The following DNALI1 variants were observed in gnomAD, a reference collection of about 807,000 sequenced individuals.
The protein encoded by DNALI1 is axonemal dynein light intermediate polypeptide 1.
DNALI1 carries 31 observed loss-of-function variants against 33.9 expected under a neutral mutation model. The observed-to-expected ratio is 0.91, with a 90% CI of 0.69 to 1.23. The LOEUF (loss-of-function observed/expected upper bound fraction) is 1.23. Ranked by LOEUF, DNALI1 falls within the 50% of genes most tolerant of loss-of-function variation. DNALI1 has a pLI of 0.00. For synonymous variants in DNALI1, 117 were observed against 129.2 expected, an observed-to-expected ratio of 0.91 and a Z score of 0.64; for missense variants, 305 against 323.8, an observed-to-expected ratio of 0.94 and a Z score of 0.44.
At position 37,562,977 on chromosome 1, in the gene DNALI1, A is replaced by T. The variant is rs1643458089; in HGVS notation, c.741+732A>T. Reference sequence around the variant, plus strand: ...GCCCACCCCAGATCTACCAAATCAGAAAATTCGGGGTTGGGGTCCAGCAAT... The same window carrying T: ...GCCCACCCCAGATCTACCAAATCAGTAAATTCGGGGTTGGGGTCCAGCAAT... On this transcript the variant is annotated intron_variant, in intron 5 of 5. Transcript: ENST00000652629. The surrounding 1 kb of genome is among the most constrained non-coding windows in gnomAD (Gnocchi z 5.8). Among the ~76,000 whole-genome samples, 1 of 152,220 alleles carries T rather than the reference A, an allele frequency of 6.6e-6. No homozygotes were observed. Among genetic ancestry groups the T allele is most frequent in the African/African-American group, 2.4e-5 (1 of 41,454 alleles).
chr1:37,561,382 G>A lies in DNALI1; in HGVS notation c.398-175G>A. On this transcript the variant is annotated intron_variant, in intron 3 of 5. Transcript: ENST00000652629. This position sits in a 1 kb window ranked among gnomAD's most constrained non-coding sequence, Gnocchi z 4.6. ...GTTCAGAGGAGTGACTGCATGGCAA[G>A]GCTCTTTGGGCCACTGAAGGCACCC... 1 of 707,676 alleles carries A rather than the reference G, an allele frequency of 1.4e-6. No homozygotes were observed. The highest frequency in any genetic ancestry group is 2.9e-5 in the Admixed American group (1 of 34,750). 43.8% of individuals were successfully genotyped at this position (707,676 alleles called of 1,614,324 possible).
rs773394668 is a variant in DNALI1 at position 37,557,604 on chromosome 1, C to G, written c.83C>G (p.Ala28Gly). 1 of 1,612,596 alleles carries G rather than the reference C, an allele frequency of 6.2e-7. No individual in the cohort carries two copies. The highest frequency in any genetic ancestry group is 8.5e-7 in the Non-Finnish European group (1 of 1,179,360). ...CCCTCACCTGTGCCTTCATCTCAGGCTCGGCTACTGAAAGTCAGCCCCCAG... is the reference window on the plus strand; with the variant it reads ...CCCTCACCTGTGCCTTCATCTCAGGGTCGGCTACTGAAAGTCAGCCCCCAG... ...SRNTEKRSPK[A>G]RLLKVSPQQP... The change falls in exon 2 of 6, where the codon GCT (alanine) becomes GGT (glycine). Residue 28 changes from alanine to glycine, a missense_variant and splice_region_variant. By Grantham distance (60) the Ala-to-Gly change is moderately conservative. Transcript: ENST00000652629.
At chr1:37,563,191 G>T (rs1570040851) in intron 5 of DNALI1, among the ~76,000 whole-genome samples, 1 of 152,166 alleles carries the variant, frequency 6.6e-6, no homozygotes, top group Non-Finnish European at 1.5e-5. Context: ...GGCTTGTTTG[G>T]TCTACACACC....
chr1:37,561,891 G>A lies in DNALI1; in HGVS notation c.576+156G>A. ...TCACCTCAGTGAGGGACCCCTGGTT[G>A]AGTATGATGGCCAGCCTGGTGGTCT... On this transcript the variant is annotated intron_variant, in intron 4 of 5. Transcript: ENST00000652629. The surrounding 1 kb of genome is among the most constrained non-coding windows in gnomAD (Gnocchi z 4.6). 5 of 1,346,884 alleles carry A rather than the reference G, an allele frequency of 3.7e-6. No individual in the cohort carries two copies. The highest frequency in any genetic ancestry group is 5.0e-6 in the Non-Finnish European group (5 of 990,394). The allele number at this position is 1,346,884 out of a possible 1,614,324, so 83.4% of individuals were successfully genotyped here.
At position 37,561,484 on chromosome 1, in the gene DNALI1, G is replaced by T; in HGVS notation, c.398-73G>T. On this transcript the variant is annotated intron_variant, in intron 3 of 5. Coordinates refer to ENST00000652629, the MANE Select transcript of DNALI1 (RefSeq NM_003462.5). The surrounding 1 kb of genome is among the most constrained non-coding windows in gnomAD (Gnocchi z 4.6). ...CCTAATGTCCTTCCCAAGAGGAAGG[G>T]TGTTTGCAGTAGACATACTGCAAGC... 6.5e-7 allele frequency: 1 copy of T among 1,541,124 alleles called. No homozygotes were observed. The highest frequency in any genetic ancestry group is 8.8e-7 in the Non-Finnish European group (1 of 1,133,230).
rs778958257 is a variant in DNALI1 at position 37,561,668 on chromosome 1, G to A, written c.509G>A (p.Ser170Asn). The change falls in exon 4 of 6, where the codon AGC becomes AAC. Residue 170 changes from serine (S) to asparagine (N), a missense_variant. Ser to Asn is a conservative substitution (Grantham distance 46). Coordinates refer to ENST00000652629, the MANE Select transcript of DNALI1 (RefSeq NM_003462.5). The surrounding 1 kb of genome is among the most constrained non-coding windows in gnomAD (Gnocchi z 4.6). Reference protein sequence around the residue: ...TIAAYQTLYESSVAFGMRKAL... With the variant: ...TIAAYQTLYENSVAFGMRKAL... ...GCTGCCTACCAGACCCTGTACGAGAGCAGCGTGGCGTTTGGCATGAGGAAG... is the reference window on the plus strand; with the variant it reads ...GCTGCCTACCAGACCCTGTACGAGAACAGCGTGGCGTTTGGCATGAGGAAG... The A allele has an allele frequency of 6.2e-7, 1 of 1,614,150 alleles. No homozygotes were observed. The highest frequency in any genetic ancestry group is 2.2e-5 in the East Asian group (1 of 44,890).
At position 37,561,523 on chromosome 1, in the gene DNALI1, C is replaced by T; in HGVS notation, c.398-34C>T. ...CATACTGCAAGCCCCCTCCCCACGCCCTGTCTGATCTCATGGTGTGTGTGC... is the reference window on the plus strand; with the variant it reads ...CATACTGCAAGCCCCCTCCCCACGCTCTGTCTGATCTCATGGTGTGTGTGC... On this transcript the variant is annotated intron_variant, in intron 3 of 5. Transcript: ENST00000652629. The surrounding 1 kb of genome is among the most constrained non-coding windows in gnomAD (Gnocchi z 4.6). The T allele has an allele frequency of 6.2e-7, 1 of 1,605,096 alleles. No individual in the cohort carries two copies. The highest frequency in any genetic ancestry group is 8.5e-7 in the Non-Finnish European group (1 of 1,173,814).
chr1:37,560,718 A>G (rs1200034833), intron 3 of DNALI1: 1 of 152,242 alleles, frequency 6.6e-6, no homozygotes, highest in African/African-American at 2.4e-5. Context: ...TATTCTTGGC[A>G]ACTTGAGTTC....
chr1:37,563,648 G>A (rs1166557223), intron 5 of DNALI1, among the ~76,000 whole-genome samples: 1 of 152,002 alleles, frequency 6.6e-6, no homozygotes, highest in Non-Finnish European at 1.5e-5. Context: ...GTGCCAGCAC[G>A]CCCGGCAAAT....
In DNALI1 at chr1:37,561,364, G is replaced by A; in HGVS notation, c.398-193G>A. 1 of 630,474 alleles carries A rather than the reference G, an allele frequency of 1.6e-6. No homozygotes were observed. The highest frequency in any genetic ancestry group is 2.0e-5 in the South Asian group (1 of 48,888). The allele number at this position is 630,474 out of a possible 1,614,324, so 39.1% of individuals were successfully genotyped here. ...GCTACTCACAAGTGCCAAGTTCAGAGGAGTGACTGCATGGCAAGGCTCTTT... is the reference window on the plus strand; with the variant it reads ...GCTACTCACAAGTGCCAAGTTCAGAAGAGTGACTGCATGGCAAGGCTCTTT... On this transcript the variant is annotated intron_variant, in intron 3 of 5. Transcript: ENST00000652629. This position sits in a 1 kb window ranked among gnomAD's most constrained non-coding sequence, Gnocchi z 4.6.
Position 37,557,031 on chromosome 1 carries a change from A to G in DNALI1, c.37A>G (p.Thr13Ala). 6.2e-7 allele frequency: 1 copy of G among 1,614,086 alleles called. No homozygotes were observed. The highest frequency in any genetic ancestry group is 1.1e-5 in the South Asian group (1 of 91,086). The change falls in exon 1 of 6, where the codon ACC (threonine) becomes GCC (alanine). Residue 13 changes from threonine (T) to alanine (A), a missense_variant. By Grantham distance (58) the Thr-to-Ala change is moderately conservative. Coordinates refer to ENST00000652629, the MANE Select transcript of DNALI1 (RefSeq NM_003462.5). Reference protein sequence around the residue: ...PPADSLLKYDTPVLVSRNTEK... With the variant: ...PPADSLLKYDAPVLVSRNTEK... ...CGCAGACTCTTTGCTCAAGTACGAC[A>G]CCCCAGTGCTGGTGAGCCGGAACAC...
chr1:37,557,833 CT>C, intron 2 of DNALI1, 85 bp downstream of exon 2: 1 of 1,568,696 alleles, frequency 6.4e-7, no homozygotes. Flanking sequence ...CACTCTGCCT[CT>C]GTTCCTGGCT....
intron 5 of DNALI1, among the ~76,000 whole-genome samples, chr1:37,564,104 G>A (rs540547042): frequency 6.6e-6 from 1 of 151,982 alleles, no homozygotes; most frequent in Non-Finnish European, 1.5e-5. Flanking sequence ...GTGGTGATGT[G>A]CATCTGTAAT....
rs915400604 is a variant in DNALI1, at chr1:37,562,614, T to C, written c.741+369T>C. On this transcript the variant is annotated intron_variant, in intron 5 of 5. Coordinates refer to ENST00000652629, the MANE Select transcript of DNALI1 (RefSeq NM_003462.5). The surrounding 1 kb of genome is among the most constrained non-coding windows in gnomAD (Gnocchi z 5.8). The stretch of plus-strand genomic sequence containing the variant: ...CCAGGTGGCTTGCGTGGTAGTGCCA[T>C]CCCATGGCTGTCTCCTCTGAGGCCC... 6.6e-6 allele frequency among the ~76,000 whole-genome samples: 1 copy of C among 151,888 alleles called. No individual in the cohort carries two copies. Among genetic ancestry groups the C allele is most frequent in the Non-Finnish European group, 1.5e-5 (1 of 67,976 alleles).
At chr1:37,563,491 T>A (rs981045758) in intron 5 of DNALI1, among the ~76,000 whole-genome samples, 1 of 152,218 alleles carries the variant, frequency 6.6e-6, no homozygotes, top group Non-Finnish European at 1.5e-5. Flanking sequence ...TTGGCATTTT[T>A]AAATTTTTTT....
chr1:37,563,512 C>A (rs1214258759), intron 5 of DNALI1, among the ~76,000 whole-genome samples: 2 of 152,014 alleles, frequency 1.3e-5, no homozygotes, highest in African/African-American at 2.4e-5. Context: ...TCTTTTGAGA[C>A]GGAGTTTTGC....
At position 37,559,206 on chromosome 1, in the gene DNALI1, G is replaced by T. The variant is rs1019747529; in HGVS notation, c.228-121G>T. On this transcript the variant is annotated intron_variant, in intron 2 of 5. Transcript: ENST00000652629. The surrounding 1 kb of genome is among the most constrained non-coding windows in gnomAD (Gnocchi z 5.3). The stretch of plus-strand genomic sequence containing the variant: ...ACCCCAAGGGATGGAGGATTCTGGT[G>T]GGTTGGTGGCAAAGCTGCCCCTCAC... 61 of 1,015,566 alleles carry T rather than the reference G, an allele frequency of 6.0e-5. No individual in the cohort carries two copies. The highest frequency in any genetic ancestry group is 4.0e-4 in the Admixed American group (15 of 37,310). 62.9% of individuals were successfully genotyped at this position (1,015,566 alleles called of 1,614,324 possible).
Position 37,561,852 on chromosome 1 carries a change from C to T in DNALI1, c.576+117C>T. The T allele has an allele frequency of 2.8e-6, 4 of 1,425,980 alleles. No individual in the cohort carries two copies. The highest frequency in any genetic ancestry group is 3.8e-6 in the Non-Finnish European group (4 of 1,055,620). 88.3% of individuals were successfully genotyped at this position (1,425,980 alleles called of 1,614,324 possible). A position where few individuals can be genotyped will look rare whatever the true frequency, so the allele number is the denominator to read the frequency against. On this transcript the variant is annotated intron_variant, in intron 4 of 5. Transcript: ENST00000652629. The surrounding 1 kb of genome is among the most constrained non-coding windows in gnomAD (Gnocchi z 4.6). ...TAAGGTGCTCTGCTGACAGTCACGA[C>T]ACCTGGACTTGCATCACCTCAGTGA...
chr1:37,558,780 C>G (rs1051677940), intron 2 of DNALI1, among the ~76,000 whole-genome samples: 1 of 152,198 alleles, frequency 6.6e-6, no homozygotes, highest in Non-Finnish European at 1.5e-5. Flanking sequence ...TTGCTTTTTT[C>G]TTCTGCAGCC....
Sources: allele counts gnomAD v4.1 joint callset (sites outside exome capture counted in the v4.1 genomes callset), GRCh38; gene constraint gnomAD v4.1.1; non-coding constraint Gnocchi (gnomAD v3.1); transcripts MANE v1.5; gene names NCBI Gene and HGNC (gene_info 2026-07-23, HGNC 2026-07-21).